Variants in ERI2 observed in about 807,000 individuals in gnomAD.
The protein encoded by ERI2 is ERI1 exoribonuclease family member 2.
A neutral mutation model predicts 46.8 loss-of-function variants in ERI2; 35 were observed. The ratio of observed to expected loss-of-function variants is 0.75; its 90% CI spans 0.57 to 0.99. The LOEUF (loss-of-function observed/expected upper bound fraction) is 0.99. ERI2 is among the 50% of genes least tolerant of loss of function. ERI2 has a pLI of 0.00. For missense variants in ERI2, 695 were observed against 796.2 expected, an observed-to-expected ratio of 0.87 and a Z score of 1.53; for synonymous variants, 224 against 271.0, an observed-to-expected ratio of 0.83 and a Z score of 1.70.
rs757648352 is a variant in ERI2, at chr16:20,790,659, C to T, written c.815+191G>A. ...TATTGGCATTCAAGTTCTACCCAACCGACCATTTGGCCTTTTTACTCATTA... is the reference window on the plus strand; with the variant it reads ...TATTGGCATTCAAGTTCTACCCAACTGACCATTTGGCCTTTTTACTCATTA... On this transcript the variant is annotated intron_variant, in intron 9 of 10. Transcript: ENST00000300005. This position sits in a 1 kb window ranked among gnomAD's most constrained non-coding sequence, Gnocchi z 4.0. 47 of 1,613,990 alleles carry T rather than the reference C, an allele frequency of 2.9e-5. No homozygotes were observed. In the Admixed American group the frequency reaches 3.8e-4, roughly 13 times the overall value.
chr16:20,785,421 T>C (rs1391468749), intron 10 of ERI2, among the ~76,000 whole-genome samples: 4 of 152,182 alleles, frequency 2.6e-5, no homozygotes, highest in African/African-American at 9.7e-5. Flanking sequence ...AAGTATCTTA[T>C]TTAGGGCTGC....
chr16:20,789,430 T>C, intron 10 of ERI2: 1 of 1,319,424 alleles, frequency 7.6e-7, no homozygotes, highest in Non-Finnish European at 1.1e-6. Flanking sequence ...CTTCAGGGAA[T>C]GATGAGGATT....
chr16:20,794,405 T>G (rs992382808), downstream of ERI2, among the ~76,000 whole-genome samples: 1 of 152,184 alleles, frequency 6.6e-6, no homozygotes, highest in Non-Finnish European at 1.5e-5. Context: ...GTTCTATATT[T>G]GCACCATCCA....
intron 10 of ERI2, chr16:20,780,833 G>T (rs1278090338): frequency 8.1e-6 from 13 of 1,614,228 alleles, no homozygotes; most frequent in Non-Finnish European, 1.1e-5. Flanking sequence ...AGCAGTTTTG[G>T]TTTAGGATTA....
Position 20,797,788 on chromosome 16 carries a change from C to T in ERI2, c.2012G>A (p.Cys671Tyr), listed in dbSNP as rs1282580540. The T allele has an allele frequency of 2.6e-6, 4 of 1,550,784 alleles. No homozygotes were observed. The highest frequency in any genetic ancestry group is 3.5e-6 in the Non-Finnish European group (4 of 1,146,748). Residue 671 changes from cysteine (C) to tyrosine (Y), a missense_variant, in exon 9 of 9, where the codon TGT (cysteine) becomes TAT (tyrosine). Cys to Tyr is a radical substitution (Grantham distance 194). Transcript: ENST00000357967. The stretch of plus-strand genomic sequence containing the variant: ...GGTGGAAATACTTAAATTTCTGTCA[C>T]AAATATGGCTTGTTTCTGGAGAACT... ...TFSSPETSHI[C>Y]DRNLSISTKN...
Position 20,797,975 on chromosome 16 carries a change from AAAC to A in ERI2, c.1822_1824del (p.Val608del), listed in dbSNP as rs778176664. On this transcript the variant is annotated inframe_deletion, in exon 9 of 9. Coordinates refer to ENST00000357967, the MANE Select transcript of ERI2 (RefSeq NM_001142725.2). ...TTTCCATGGTTCGGTCCATTATTAG[AAAC>A]AACAAGTCTCTTAGATCTCCGACCA... 5 of 1,551,826 alleles carry A rather than the reference AAAC, an allele frequency of 3.2e-6. No individual in the cohort carries two copies. The highest frequency in any genetic ancestry group is 1.4e-5 in the African/African-American group (1 of 73,044).
chr16:20,795,272 C>T (rs1489806472), downstream of ERI2, among the ~76,000 whole-genome samples: 5 of 152,186 alleles, frequency 3.3e-5, no homozygotes, highest in African/African-American at 9.7e-5. Flanking sequence ...CCTCCCACCT[C>T]GGCCTCCCAA....
Position 20,803,418 on chromosome 16 carries a change from G to A in ERI2, c.175+15C>T, listed in dbSNP as rs1344003434. On this transcript the variant is annotated intron_variant, in intron 3 of 8. Transcript: ENST00000357967. ...CATCTAGTGCCAGCTTTGGCCATTC[G>A]TAGCCCAGACTTACTTATTTCCTGG... 6.2e-6 allele frequency: 10 copies of A among 1,610,284 alleles called. No individual in the cohort carries two copies. Among genetic ancestry groups the A allele is most frequent in the East Asian group, 4.5e-5 (2 of 44,854 alleles).
chr16:20,792,744 G>C, downstream of ERI2: 2 of 984,696 alleles, frequency 2.0e-6, no homozygotes, highest in East Asian at 1.1e-4. Context: ...TCAGATGTCA[G>C]AAGTGGGAAC....
intron 9 of ERI2, chr16:20,789,647 T>C: frequency 2.2e-6 from 2 of 900,416 alleles, no homozygotes; most frequent in Non-Finnish European, 3.6e-6. Flanking sequence ...TAAAAGCAGG[T>C]TGGCAAAACT....
In ERI2 at chr16:20,797,068, A is replaced by G. The variant is rs2080737348; in HGVS notation, c.*656T>C. The G allele has an allele frequency of 2.7e-6, 4 of 1,486,500 alleles. No individual in the cohort carries two copies. Among genetic ancestry groups the G allele is most frequent in the Non-Finnish European group, 3.6e-6 (4 of 1,124,018 alleles). 92.1% of individuals were successfully genotyped at this position (1,486,500 alleles called of 1,614,324 possible). A position where few individuals can be genotyped will look rare whatever the true frequency, so the allele number is the denominator to read the frequency against. On this transcript the variant is annotated 3_prime_UTR_variant, in exon 9 of 9. Transcript: ENST00000357967. ...ATGGAGAGGTCATAAAAACTGTGGT[A>G]GTATGCTTAGAAACTGTTGATTTAA...
At chr16:20,786,397 T>A in intron 10 of ERI2, 1 of 789,550 alleles carries the variant, frequency 1.3e-6, no homozygotes, top group Non-Finnish European at 1.7e-6. Flanking sequence ...GTTAACCCAT[T>A]AGGCTGGATG....
At chr16:20,787,447 C>G (rs1351728689) in intron 10 of ERI2, among the ~76,000 whole-genome samples, 1 of 152,164 alleles carries the variant, frequency 6.6e-6, no homozygotes, top group Non-Finnish European at 1.5e-5. Context: ...ATAAATGTTT[C>G]CCAAGCTTGT....
chr16:20,803,784 G>A, intron 1 of ERI2, 114 bp from the exon 2 acceptor site: 2 of 1,308,496 alleles, frequency 1.5e-6, no homozygotes, highest in Non-Finnish European at 2.1e-6. Context: ...TGTGACTGAG[G>A]GGAAATCGAA....
At chr16:20,802,019 A>G (rs962198988) in intron 4 of ERI2, among the ~76,000 whole-genome samples, 11 of 148,892 alleles carry the variant, frequency 7.4e-5, no homozygotes, top group Admixed American at 1.3e-4. Flanking sequence ...TTGGCCTCCC[A>G]AAGTACTGAG....
chr16:20,781,853 G>C, intron 10 of ERI2: 1 of 1,271,554 alleles, frequency 7.9e-7, no homozygotes, highest in Non-Finnish European at 1.1e-6. Flanking sequence ...TAAAATAAAA[G>C]ATCTTTCTGC....
rs962626571 is a variant in ERI2, at chr16:20,790,468, AT to A, written c.815+381del. On this transcript the variant is annotated intron_variant, in intron 9 of 10. Transcript: ENST00000300005. The surrounding 1 kb of genome is among the most constrained non-coding windows in gnomAD (Gnocchi z 4.0). The stretch of plus-strand genomic sequence containing the variant: ...TGAGACCTTGTCTCACACACACAAA[AT>A]TTTTTTTAAGTCTTCATTTTTAAAT... The A allele has an allele frequency of 2.1e-5, 20 of 965,252 alleles. No individual in the cohort carries two copies. Among genetic ancestry groups the A allele is most frequent in the African/African-American group, 8.3e-5 (5 of 60,278 alleles). The allele number at this position is 965,252 out of a possible 1,614,324, so 59.8% of individuals were successfully genotyped here.
At position 20,790,568 on chromosome 16, in the gene ERI2, T is replaced by C. The variant is rs117618898; in HGVS notation, c.815+282A>G. ...TTAAACAAAAATTTCCTTAAATAAA[T>C]TGTTCTATTTTATCCTAGATTGTAG... On this transcript the variant is annotated intron_variant, in intron 9 of 10. Transcript: ENST00000300005. The surrounding 1 kb of genome is among the most constrained non-coding windows in gnomAD (Gnocchi z 4.0). 4,427 of 1,588,086 alleles carry C rather than the reference T, an allele frequency of 2.8e-3. 6 individuals are homozygous for C. Among genetic ancestry groups the C allele is most frequent in the Middle Eastern group, 3.7e-3 (22 of 5,966 alleles).
At chr16:20,791,194 T>C (rs2080588926) in intron 8 of ERI2, among the ~76,000 whole-genome samples, 1 of 152,228 alleles carries the variant, frequency 6.6e-6, no homozygotes, top group South Asian at 2.1e-4. Flanking sequence ...ATCCAGATGC[T>C]ACTTGCCAGT....
Sources: allele counts gnomAD v4.1 joint callset (sites outside exome capture counted in the v4.1 genomes callset), GRCh38; gene constraint gnomAD v4.1.1; non-coding constraint Gnocchi (gnomAD v3.1); transcripts MANE v1.5; gene names NCBI Gene and HGNC (gene_info 2026-07-23, HGNC 2026-07-21).